The following KCNQ1OT1 variants were observed in gnomAD, a reference collection of about 807,000 sequenced individuals.
The protein encoded by KCNQ1OT1 is KCNQ1 opposite strand/antisense transcript 1.
At position 2,676,381 on chromosome 11, in the gene KCNQ1OT1, T is replaced by C. The variant is rs867372979; in HGVS notation, n.23614A>G. On this transcript the variant is annotated non_coding_transcript_exon_variant, in exon 1 of 1. Coordinates refer to ENST00000597346, the Ensembl canonical transcript of KCNQ1OT1. The surrounding 1 kb of genome is among the most constrained non-coding windows in gnomAD (Gnocchi z 4.2). ...GCTTCCAGTATAATTGGAAGGAGCA[T>C]AGTCTCTGTGTTCAGCTAGAGATTT... 1.5e-5 allele frequency: 6 copies of C among 398,550 alleles called. No individual in the cohort carries two copies. The highest frequency in any genetic ancestry group is 6.2e-5 in the African/African-American group (3 of 48,658). 24.7% of individuals were successfully genotyped at this position (398,550 alleles called of 1,614,324 possible).
At position 2,654,324 on chromosome 11, in the gene KCNQ1OT1, G is replaced by C. The variant is rs945995546; in HGVS notation, n.45671C>G. On this transcript the variant is annotated non_coding_transcript_exon_variant, in exon 1 of 1. Transcript: ENST00000597346. This position sits in a 1 kb window ranked among gnomAD's most constrained non-coding sequence, Gnocchi z 6.4. ...GAGATTTCTTGAGGGGGCCAGGGAG[G>C]GGGCTTCTACTTGCAAAGGATAGGG... 6 of 398,700 alleles carry C rather than the reference G, an allele frequency of 1.5e-5. No individual in the cohort carries two copies. Among genetic ancestry groups the C allele is most frequent in the Non-Finnish European group, 2.2e-5 (5 of 226,278 alleles). 24.7% of individuals were successfully genotyped at this position (398,700 alleles called of 1,614,324 possible).
In KCNQ1OT1 at chr11:2,651,442, T is replaced by G. The variant is rs1849755260; in HGVS notation, n.48553A>C. The G allele has an allele frequency of 2.5e-6, 1 of 398,732 alleles. No individual in the cohort carries two copies. Among genetic ancestry groups the G allele is most frequent in the Non-Finnish European group, 4.4e-6 (1 of 226,140 alleles). The allele number at this position is 398,732 out of a possible 1,614,324, so 24.7% of individuals were successfully genotyped here. ...CCCTGTGTGCAGCTCAGCAAGTGCC[T>G]GAAGTCAGAGGTAGTGCTTATGAAA... On this transcript the variant is annotated non_coding_transcript_exon_variant, in exon 1 of 1. Transcript: ENST00000597346. This position sits in a 1 kb window ranked among gnomAD's most constrained non-coding sequence, Gnocchi z 6.1.
At position 2,695,797 on chromosome 11, in the gene KCNQ1OT1, A is replaced by G. The variant is rs1590038087; in HGVS notation, n.4198T>C. 1.5e-5 allele frequency: 6 copies of G among 398,648 alleles called. No individual in the cohort carries two copies. The highest frequency in any genetic ancestry group is 4.1e-5 in the African/African-American group (2 of 48,740). The allele number at this position is 398,648 out of a possible 1,614,324, so 24.7% of individuals were successfully genotyped here. ...CTACTTTCTAATGCTTCTCCTATGA[A>G]GAATAGCTGTTGCTTTCATTTACAT... On this transcript the variant is annotated non_coding_transcript_exon_variant, in exon 1 of 1. Transcript: ENST00000597346. The surrounding 1 kb of genome is among the most constrained non-coding windows in gnomAD (Gnocchi z 5.2).
rs953834663 is a variant in KCNQ1OT1 at position 2,653,985 on chromosome 11, C to T, written n.46010G>A. 14 of 398,556 alleles carry T rather than the reference C, an allele frequency of 3.5e-5. No individual in the cohort carries two copies. The highest frequency in any genetic ancestry group is 6.2e-5 in the Non-Finnish European group (14 of 226,086). 24.7% of individuals were successfully genotyped at this position (398,556 alleles called of 1,614,324 possible). A position where few individuals can be genotyped will look rare whatever the true frequency, so the allele number is the denominator to read the frequency against. On this transcript the variant is annotated non_coding_transcript_exon_variant, in exon 1 of 1. Transcript: ENST00000597346. This position sits in a 1 kb window ranked among gnomAD's most constrained non-coding sequence, Gnocchi z 5.3. ...CACTCAAGCAAGGTATTTTCCTAAG[C>T]GGAACTGGGTGCCAGCTGTGAATAT...
At chr11:2,681,401 G>T (rs1320373383) in exon 1 of KCNQ1OT1, 1 of 398,480 alleles carries the variant, frequency 2.5e-6, no homozygotes, top group Non-Finnish European at 4.4e-6. Context: ...GGTGACTAAA[G>T]GCAAAGAATG....
rs183581027 is a variant in KCNQ1OT1, at chr11:2,664,985, C to T, written n.35010G>A. On this transcript the variant is annotated non_coding_transcript_exon_variant, in exon 1 of 1. Coordinates refer to ENST00000597346, the Ensembl canonical transcript of KCNQ1OT1. The surrounding 1 kb of genome is among the most constrained non-coding windows in gnomAD (Gnocchi z 5.1). ...TTACGGGAAGGTCCCTGGGGCTGGG[C>T]GAAGCTCCTCTTTCCGGGGCCTGTT... The T allele has an allele frequency of 5.2e-4, 209 of 398,570 alleles. 2 individuals are homozygous for T. In the East Asian group the frequency reaches 7.3e-3, roughly 14 times the overall value. 24.7% of individuals were successfully genotyped at this position (398,570 alleles called of 1,614,324 possible). A position where few individuals can be genotyped will look rare whatever the true frequency, so the allele number is the denominator to read the frequency against.
exon 1 of KCNQ1OT1, chr11:2,628,339 T>C (rs1045111893): frequency 2.3e-5 from 9 of 398,482 alleles, no homozygotes; most frequent in East Asian, 3.6e-5. Context: ...CTAACAGTTA[T>C]GAGGTGATAT....
Position 2,642,874 on chromosome 11 carries a change from T to C in KCNQ1OT1, n.57121A>G, listed in dbSNP as rs1358035338. On this transcript the variant is annotated non_coding_transcript_exon_variant, in exon 1 of 1. Coordinates refer to ENST00000597346, the Ensembl canonical transcript of KCNQ1OT1. This position sits in a 1 kb window ranked among gnomAD's most constrained non-coding sequence, Gnocchi z 4.3. ...CAGAATGTTGTGCTTCTATTTTCACTTGTTTCAGTAAATTTTTTATTTCTG... is the reference window on the plus strand; with the variant it reads ...CAGAATGTTGTGCTTCTATTTTCACCTGTTTCAGTAAATTTTTTATTTCTG... 6 of 397,818 alleles carry C rather than the reference T, an allele frequency of 1.5e-5. No individual in the cohort carries two copies. The highest frequency in any genetic ancestry group is 2.7e-5 in the Non-Finnish European group (6 of 225,680). The allele number at this position is 397,818 out of a possible 1,614,324, so 24.6% of individuals were successfully genotyped here. A position where few individuals can be genotyped will look rare whatever the true frequency, so the allele number is the denominator to read the frequency against.
chr11:2,685,803 G>A (rs1850478308), exon 1 of KCNQ1OT1: 3 of 398,676 alleles, frequency 7.5e-6, no homozygotes, highest in Admixed American at 8.8e-5. Flanking sequence ...CAGCGTTCCT[G>A]AGAATGCGAT....
In KCNQ1OT1 at chr11:2,676,642, T is replaced by C. The variant is rs1590025496; in HGVS notation, n.23353A>G. On this transcript the variant is annotated non_coding_transcript_exon_variant, in exon 1 of 1. Coordinates refer to ENST00000597346, the Ensembl canonical transcript of KCNQ1OT1. The surrounding 1 kb of genome is among the most constrained non-coding windows in gnomAD (Gnocchi z 4.2). ...ATGGGTAGCTTCACAGATTCACAGA[T>C]AGATAGTTCATTAAGGTCTTGAGTA... The C allele has an allele frequency of 5.0e-6, 2 of 398,644 alleles. No individual in the cohort carries two copies. The highest frequency in any genetic ancestry group is 8.8e-6 in the Non-Finnish European group (2 of 226,074). 24.7% of individuals were successfully genotyped at this position (398,644 alleles called of 1,614,324 possible).
Position 2,673,910 on chromosome 11 carries a change from G to A in KCNQ1OT1, n.26085C>T, listed in dbSNP as rs776879558. 7.5e-6 allele frequency: 3 copies of A among 397,918 alleles called. No homozygotes were observed. The highest frequency in any genetic ancestry group is 4.1e-5 in the African/African-American group (2 of 48,448). The allele number at this position is 397,918 out of a possible 1,614,324, so 24.6% of individuals were successfully genotyped here. A position where few individuals can be genotyped will look rare whatever the true frequency, so the allele number is the denominator to read the frequency against. On this transcript the variant is annotated non_coding_transcript_exon_variant, in exon 1 of 1. Coordinates refer to ENST00000597346, the Ensembl canonical transcript of KCNQ1OT1. The surrounding 1 kb of genome is among the most constrained non-coding windows in gnomAD (Gnocchi z 4.5). ...GGAAGGGATGGGAGCTCAGCTCACC[G>A]GGTGCTAGACAAGGGAGTGTGTCTC...
At position 2,698,765 on chromosome 11, in the gene KCNQ1OT1, A is replaced by G. The variant is rs188890355; in HGVS notation, n.1230T>C. 1.3e-4 allele frequency: 50 copies of G among 398,004 alleles called. No individual in the cohort carries two copies. Among genetic ancestry groups the G allele is most frequent in the African/African-American group, 8.9e-4 (43 of 48,268 alleles). 24.7% of individuals were successfully genotyped at this position (398,004 alleles called of 1,614,324 possible). ...ATCTCAACTCAGAGCCATGATGCAG[A>G]CTCCAGACCGGGATTCAGGTCCCCA... On this transcript the variant is annotated non_coding_transcript_exon_variant, in exon 1 of 1. Coordinates refer to ENST00000597346, the Ensembl canonical transcript of KCNQ1OT1. This position sits in a 1 kb window ranked among gnomAD's most constrained non-coding sequence, Gnocchi z 5.1.
exon 1 of KCNQ1OT1, chr11:2,655,672 T>TGGGGGGGGGGGGGGGCCCC: frequency 2.6e-6 from 1 of 389,748 alleles, no homozygotes; most frequent in South Asian, 1.4e-4. Context: ...AAGAGCTGAA[T>TGGGGGGGGGGGGGGGCCCC]CCCCACCCAC....
chr11:2,615,172 T>A (rs1483399019), exon 1 of KCNQ1OT1: 1 of 398,260 alleles, frequency 2.5e-6, no homozygotes, highest in Non-Finnish European at 4.4e-6. Flanking sequence ...AGTGGAATTT[T>A]AAAAATTGAC....
chr11:2,688,137 G>A, exon 1 of KCNQ1OT1: 1 of 398,810 alleles, frequency 2.5e-6, no homozygotes, highest in Non-Finnish European at 4.4e-6. Flanking sequence ...GGCTGAGGTG[G>A]AGAGACCCCA....
rs1368453581 is a variant in KCNQ1OT1 at position 2,673,472 on chromosome 11, AG to A, written n.26522del. The A allele has an allele frequency of 1.0e-5, 4 of 398,502 alleles. No individual in the cohort carries two copies. Among genetic ancestry groups the A allele is most frequent in the African/African-American group, 8.2e-5 (4 of 48,630 alleles). The allele number at this position is 398,502 out of a possible 1,614,324, so 24.7% of individuals were successfully genotyped here. On this transcript the variant is annotated non_coding_transcript_exon_variant, in exon 1 of 1. Coordinates refer to ENST00000597346, the Ensembl canonical transcript of KCNQ1OT1. This position sits in a 1 kb window ranked among gnomAD's most constrained non-coding sequence, Gnocchi z 4.5. ...CCTCCTTGAGCCGGAACACCTGAAA[AG>A]CCATACAGACTCCTGCTCATCACAA...
At chr11:2,618,901 G>T in exon 1 of KCNQ1OT1, 1 of 398,040 alleles carries the variant, frequency 2.5e-6, no homozygotes. Context: ...TCATCTTTTT[G>T]GCTAAATTTA....
chr11:2,676,508 T>C lies in KCNQ1OT1; in HGVS notation n.23487A>G, dbSNP rs1850297263. ...CATCAGTTCCATTTCTGGTGAACAC[T>C]TGGACTTGGCAAAAGGCATAGAGGT... On this transcript the variant is annotated non_coding_transcript_exon_variant, in exon 1 of 1. Coordinates refer to ENST00000597346, the Ensembl canonical transcript of KCNQ1OT1. The surrounding 1 kb of genome is among the most constrained non-coding windows in gnomAD (Gnocchi z 4.2). The C allele has an allele frequency of 7.5e-6, 3 of 398,668 alleles. No homozygotes were observed. The highest frequency in any genetic ancestry group is 1.3e-4 in the South Asian group (1 of 7,858). 24.7% of individuals were successfully genotyped at this position (398,668 alleles called of 1,614,324 possible). A position where few individuals can be genotyped will look rare whatever the true frequency, so the allele number is the denominator to read the frequency against.
Position 2,663,542 on chromosome 11 carries a change from G to T in KCNQ1OT1, n.36453C>A. 1 of 398,646 alleles carries T rather than the reference G, an allele frequency of 2.5e-6. No homozygotes were observed. The highest frequency in any genetic ancestry group is 6.3e-4 in the Middle Eastern group (1 of 1,592). The allele number at this position is 398,646 out of a possible 1,614,324, so 24.7% of individuals were successfully genotyped here. A position where few individuals can be genotyped will look rare whatever the true frequency, so the allele number is the denominator to read the frequency against. ...TGGCTGTCCCCTCAGAGAGGGGACT[G>T]TCCCTTCTCATCCTTCTGGCTGCTT... is the stretch of plus-strand genomic sequence containing the variant. On this transcript the variant is annotated non_coding_transcript_exon_variant, in exon 1 of 1. Coordinates refer to ENST00000597346, the Ensembl canonical transcript of KCNQ1OT1. The surrounding 1 kb of genome is among the most constrained non-coding windows in gnomAD (Gnocchi z 5.2).
Sources: allele counts gnomAD v4.1 joint callset, GRCh38; gene constraint gnomAD v4.1.1; non-coding constraint Gnocchi (gnomAD v3.1); transcripts MANE v1.5; gene names NCBI Gene and HGNC (gene_info 2026-07-23, HGNC 2026-07-21).